ARHGAP18: variants seen among roughly 807,000 people sequenced by gnomAD.
The protein encoded by ARHGAP18 is rho GTPase-activating protein 18.
A neutral mutation model predicts 86.2 loss-of-function variants in ARHGAP18; 67 were observed. The observed-to-expected ratio is 0.78, with a 90% CI of 0.64 to 0.95. ARHGAP18 has a LOEUF of 0.95. Ranked by LOEUF, ARHGAP18 falls within the 40% of genes least tolerant of loss-of-function variation. The pLI is 0.00. For missense variants in ARHGAP18, 691 were observed against 780.4 expected (o/e 0.89, Z 1.37); for synonymous variants, 283 against 280.4 (o/e 1.01, Z -0.09).
chr6:129,616,677 G>T (rs540244522), intron 6 of ARHGAP18, among the ~76,000 whole-genome samples: 1 of 152,204 alleles, frequency 6.6e-6, no homozygotes, highest in African/African-American at 2.4e-5. Context: ...GCCAGGTGCA[G>T]TGGCTTATGT....
chr6:129,641,697 G>C (rs1418787514), intron 2 of ARHGAP18, 119 bp downstream of exon 2: 1 of 892,838 alleles, frequency 1.1e-6, no homozygotes, highest in Non-Finnish European at 1.7e-6. Flanking sequence ...AAGTTGAAAG[G>C]CAGTATCTTT....
At chr6:129,700,729 TA>T (rs1176503182) in intron 1 of ARHGAP18, among the ~76,000 whole-genome samples, 2 of 152,168 alleles carry the variant, frequency 1.3e-5, no homozygotes, top group African/African-American at 4.8e-5. Flanking sequence ...AGTCAATCCT[TA>T]AAATAAGTCT....
intron 12 of ARHGAP18, among the ~76,000 whole-genome samples, chr6:129,584,932 T>C (rs574464326): frequency 3.3e-5 from 5 of 152,106 alleles, no homozygotes; most frequent in South Asian, 4.1e-4. Context: ...ATCTACTGAG[T>C]ACCAGATATT....
chr6:129,625,238 A>G (rs1298577403), intron 5 of ARHGAP18, among the ~76,000 whole-genome samples: 2 of 84,956 alleles, frequency 2.4e-5, no homozygotes, highest in East Asian at 3.3e-4. Flanking sequence ...TATATGATAT[A>G]TATTTATATG....
intron 13 of ARHGAP18, among the ~76,000 whole-genome samples, chr6:129,582,312 CA>C (rs1358781738): frequency 6.6e-6 from 1 of 152,116 alleles, no homozygotes; most frequent in African/African-American, 2.4e-5. Context: ...ATTAAAGTCA[CA>C]GTTGAATGTG....
intron 12 of ARHGAP18, among the ~76,000 whole-genome samples, chr6:129,589,813 T>C (rs1003339700): frequency 6.6e-6 from 1 of 152,140 alleles, no homozygotes; most frequent in Middle Eastern, 3.2e-3. Flanking sequence ...CAATAGGCCA[T>C]CTGCAAGCTG....
Position 129,672,219 on chromosome 6 carries a change from G to A in ARHGAP18, c.114-30201C>T, listed in dbSNP as rs185430014. Among the ~76,000 whole-genome samples, 7 of 152,184 alleles carry A rather than the reference G, an allele frequency of 4.6e-5. No homozygotes were observed. The East Asian group carries it at 9.7e-4, about 21-fold the overall frequency. On this transcript the variant is annotated intron_variant, in intron 1 of 14. Transcript: ENST00000368149. ...TGTCCCTCTGACCCCACCCATCCCA[G>A]GTTCTTCTGAATTGTGTGTGCCAAC...
intron 8 of ARHGAP18, 144 bp from the exon 9 acceptor site, chr6:129,608,196 T>A: frequency 9.3e-7 from 1 of 1,075,544 alleles, no homozygotes; most frequent in East Asian, 2.9e-5. Context: ...AGTCAATATT[T>A]CTTTTACTCA....
chr6:129,614,291 T>C (rs6569616), intron 7 of ARHGAP18, among the ~76,000 whole-genome samples: 9,933 of 152,258 alleles, frequency 0.065, 855 homozygotes, highest in African/African-American at 0.2. Context: ...ATGACCTAAT[T>C]GAGTTGTCAG....
chr6:129,618,931 C>T (rs888364232), intron 5 of ARHGAP18, 79 bp from the exon 6 acceptor site: 3 of 1,274,976 alleles, frequency 2.4e-6, no homozygotes, highest in Non-Finnish European at 3.3e-6. Flanking sequence ...AAACCAACTA[C>T]AGAAAGAAGT....
intron 8 of ARHGAP18, among the ~76,000 whole-genome samples, chr6:129,609,104 GGGGAAAGAATGAGCA>G (rs913202463): frequency 1.1e-4 from 15 of 141,948 alleles, no homozygotes; most frequent in African/African-American, 2.6e-4. Context: ...AAGAATGAGG[GGGGAAAGAATGAGCA>G]GGGAAAGAAT....
intron 1 of ARHGAP18, among the ~76,000 whole-genome samples, chr6:129,676,633 A>G (rs1774235012): frequency 6.6e-6 from 1 of 152,152 alleles, no homozygotes; most frequent in Admixed American, 6.5e-5. Context: ...AATACTCTTT[A>G]AAGCGCCTGC....
chr6:129,676,368 A>G (rs908272478), intron 1 of ARHGAP18, among the ~76,000 whole-genome samples: 5 of 152,178 alleles, frequency 3.3e-5, no homozygotes, highest in Non-Finnish European at 7.4e-5. Flanking sequence ...ATTAGAACCT[A>G]CATCACAGGG....
intron 1 of ARHGAP18, among the ~76,000 whole-genome samples, chr6:129,685,215 T>C (rs755715019): frequency 6.6e-6 from 1 of 152,022 alleles, no homozygotes; most frequent in Non-Finnish European, 1.5e-5. Flanking sequence ...CATAGAATCA[T>C]GAAATATAGG....
At chr6:129,676,517 T>G (rs1443411870) in intron 1 of ARHGAP18, among the ~76,000 whole-genome samples, 1 of 152,198 alleles carries the variant, frequency 6.6e-6, no homozygotes, top group East Asian at 1.9e-4. Context: ...AGAGCTCACA[T>G]GGAAAACATT....
At chr6:129,589,615 C>T (rs755331899) in intron 12 of ARHGAP18, among the ~76,000 whole-genome samples, 13 of 152,298 alleles carry the variant, frequency 8.5e-5, no homozygotes, top group South Asian at 4.1e-4. Flanking sequence ...GCCCTCCAAA[C>T]GGTTCCAACC....
At chr6:129,650,495 C>G (rs1278275463) in intron 1 of ARHGAP18, among the ~76,000 whole-genome samples, 1 of 152,096 alleles carries the variant, frequency 6.6e-6, no homozygotes, top group Non-Finnish European at 1.5e-5. Flanking sequence ...CTGAGCTTGC[C>G]AAATCTCTCA....
At position 129,588,121 on chromosome 6, in the gene ARHGAP18, C is replaced by CCTT. The variant is rs558911769; in HGVS notation, c.1714-4010_1714-4009insAAG. On this transcript the variant is annotated intron_variant, in intron 12 of 14. Transcript: ENST00000368149. ...AAATCCAACAGGGAAGTCACCAAAT[C>CCTT]TTTTTTTTTTTTTTGCAATGGAGTC... Among the ~76,000 whole-genome samples the CCTT allele has an allele frequency of 6.1e-4, 87 of 142,612 alleles. 1 individual carries two copies. Among genetic ancestry groups the CCTT allele is most frequent in the African/African-American group, 2.2e-3 (83 of 38,140 alleles). 93.6% of individuals were successfully genotyped at this position (142,612 alleles called of 152,430 possible).
intron 1 of ARHGAP18, among the ~76,000 whole-genome samples, chr6:129,677,380 G>C (rs563391476): frequency 1.3e-5 from 2 of 149,674 alleles, no homozygotes; most frequent in African/African-American, 5.0e-5. Flanking sequence ...GCGAAAGAGC[G>C]AGACTCCGTC....
Sources: gnomAD v4.1 joint callset for allele counts (sites outside exome capture counted in the v4.1 genomes callset) on GRCh38, gnomAD v4.1.1 for gene constraint, MANE v1.5 for transcripts, NCBI Gene and HGNC (gene_info 2026-07-23, HGNC 2026-07-21) for gene names.